Variants in CASTOR2 observed in about 807,000 individuals in gnomAD.
The protein encoded by CASTOR2 is GATS protein like 2.
A neutral mutation model predicts 31.2 loss-of-function variants in CASTOR2; 8 were observed. The observed-to-expected ratio is 0.26, with a 90% CI of 0.15 to 0.46. CASTOR2 has a LOEUF of 0.46. CASTOR2 is among the 20% of genes least tolerant of loss of function. CASTOR2 has a pLI of 0.99. For synonymous variants in CASTOR2, 162 were observed against 158.7 expected, an observed-to-expected ratio of 1.02 and a Z score of -0.16; for missense variants, 216 against 382.1, an observed-to-expected ratio of 0.57 and a Z score of 3.62.
At chr7:75,010,876 A>G (rs1390910900) in intron 2 of CASTOR2, among the ~76,000 whole-genome samples, 1 of 151,406 alleles carries the variant, frequency 6.6e-6, no homozygotes. Flanking sequence ...TCTTTGAGAC[A>G]GAGTCTCACT....
intron 6 of CASTOR2, 70 bp downstream of exon 6, chr7:75,020,219 CA>C: frequency 3.1e-6 from 4 of 1,291,050 alleles, no homozygotes; most frequent in Non-Finnish European, 3.3e-6. Flanking sequence ...TATGTGATGG[CA>C]CATCACCCAC....
intron 1 of CASTOR2, among the ~76,000 whole-genome samples, chr7:75,002,140 G>A (rs1357138279): frequency 6.6e-6 from 1 of 151,594 alleles, no homozygotes; most frequent in East Asian, 2.0e-4. Context: ...TGGCCAGACT[G>A]GTCTCAAACT....
rs1173606189 is a variant in CASTOR2, at chr7:74,964,717, C to T, written c.-269C>T. 8.8e-6 allele frequency: 1 copy of T among 113,394 alleles called. No individual in the cohort carries two copies. The highest frequency in any genetic ancestry group is 1.8e-5 in the Non-Finnish European group (1 of 54,806). The allele number at this position is 113,394 out of a possible 1,614,324, so 7.0% of individuals were successfully genotyped here. On this transcript the variant is annotated 5_prime_UTR_variant, in exon 1 of 9. Coordinates refer to ENST00000616305, the MANE Select transcript of CASTOR2 (RefSeq NM_001145064.3). ...TACAGCGAACACCAGCTGCTCCCCG[C>T]GCCGGGCGCCGCGCGCCGCTGCTCC...
rs1335114046 is a variant in CASTOR2 at position 74,995,511 on chromosome 7, G to GAAAAAAAAAAAAAAAA, written c.114-12469_114-12468insAAAAAAAAAAAAAAAA. ...TGAGACCCTGTCTTTACAAAAAAATGAAAAAAAAAAAAAAGGCCGGGTGCG... is the reference window on the plus strand; with the variant it reads ...TGAGACCCTGTCTTTACAAAAAAATGAAAAAAAAAAAAAAAAAAAAAAAAAAAAAAGGCCGGGTGCG... On this transcript the variant is annotated intron_variant, in intron 1 of 8. Coordinates refer to ENST00000616305, the MANE Select transcript of CASTOR2 (RefSeq NM_001145064.3). Among the ~76,000 whole-genome samples the GAAAAAAAAAAAAAAAA allele has an allele frequency of 2.3e-5, 2 of 88,448 alleles. 1 individual carries two copies. The allele number at this position is 88,448 out of a possible 152,430, so 58.0% of individuals were successfully genotyped here.
At chr7:75,004,245 A>G (rs1465936257) in intron 1 of CASTOR2, among the ~76,000 whole-genome samples, 1 of 152,250 alleles carries the variant, frequency 6.6e-6, no homozygotes, top group East Asian at 1.9e-4. Flanking sequence ...CTGTGGTGAT[A>G]ATTTGCTGTT....
rs1193375438 is a variant in CASTOR2, at chr7:74,993,551, A to G, written c.114-14443A>G. On this transcript the variant is annotated intron_variant, in intron 1 of 8. Transcript: ENST00000616305. ...CTGCAACATCCACCTCCTGGGTTCA[A>G]GTGATTCTCCTGCTTCAGCCTCTGG... Among the ~76,000 whole-genome samples, 6 of 148,752 alleles carry G rather than the reference A, an allele frequency of 4.0e-5. No individual in the cohort carries two copies. In the South Asian group the frequency reaches 8.5e-4, roughly 21 times the overall value.
Position 75,028,652 on chromosome 7 carries a change from C to G in CASTOR2, c.*3953C>G, listed in dbSNP as rs1251160417. Among the ~76,000 whole-genome samples, 5 of 152,312 alleles carry G rather than the reference C, an allele frequency of 3.3e-5. No individual in the cohort carries two copies. Among genetic ancestry groups the G allele is most frequent in the Non-Finnish European group, 5.9e-5 (4 of 68,022 alleles). ...AGTTCTGCCTCGTCGTGGGGCTCCC[C>G]TGGTTCCCAAGACACCCCTTCCTCC... On this transcript the variant is annotated 3_prime_UTR_variant, in exon 9 of 9. Transcript: ENST00000616305.
At chr7:75,006,528 C>T (rs1584471311) in intron 1 of CASTOR2, among the ~76,000 whole-genome samples, 1 of 152,180 alleles carries the variant, frequency 6.6e-6, no homozygotes, top group East Asian at 1.9e-4. Context: ...CAACACTGTC[C>T]ACTCAAAGAT....
At chr7:74,995,697 A>G (rs1804329488) in intron 1 of CASTOR2, among the ~76,000 whole-genome samples, 1 of 151,746 alleles carries the variant, frequency 6.6e-6, no homozygotes, top group Admixed American at 6.6e-5. Context: ...AGTCCCAGCT[A>G]CTTGGGAGGC....
At chr7:75,011,979 A>G (rs1426786966) in intron 2 of CASTOR2, among the ~76,000 whole-genome samples, 4 of 152,000 alleles carry the variant, frequency 2.6e-5, no homozygotes, top group Non-Finnish European at 4.4e-5. Context: ...AAGAAAGAAA[A>G]AAAAAAAACA....
chr7:74,978,123 G>A (rs1184864110), intron 1 of CASTOR2, among the ~76,000 whole-genome samples: 1 of 96,682 alleles, frequency 1.0e-5, no homozygotes, highest in Non-Finnish European at 2.2e-5. Context: ...TTTTTTTTTT[G>A]GAGACAGGGT....
intron 1 of CASTOR2, among the ~76,000 whole-genome samples, chr7:75,000,514 A>G (rs1467011121): frequency 9.9e-5 from 15 of 152,204 alleles, no homozygotes; most frequent in African/African-American, 3.6e-4. Context: ...AGGCCCGAGA[A>G]TGTTTTGTAA....
chr7:75,004,093 G>A (rs1804557000), intron 1 of CASTOR2, among the ~76,000 whole-genome samples: 1 of 152,154 alleles, frequency 6.6e-6, no homozygotes, highest in South Asian at 2.1e-4. Context: ...GCCTCCCCGG[G>A]GCTCTCGGGC....
rs899283954 is a variant in CASTOR2 at position 75,025,628 on chromosome 7, C to T, written c.*929C>T. On this transcript the variant is annotated 3_prime_UTR_variant, in exon 9 of 9. Coordinates refer to ENST00000616305, the MANE Select transcript of CASTOR2 (RefSeq NM_001145064.3). ...CCTCCTCCCTCCTCTGCCCCCAAGTCACCTGCCTGCCCACCCGCCCCTTGG... is the reference window on the plus strand; with the variant it reads ...CCTCCTCCCTCCTCTGCCCCCAAGTTACCTGCCTGCCCACCCGCCCCTTGG... Among the ~76,000 whole-genome samples, 7 of 152,400 alleles carry T rather than the reference C, an allele frequency of 4.6e-5. No individual in the cohort carries two copies. In the South Asian group the frequency reaches 1.2e-3, roughly 27 times the overall value.
At position 74,964,819 on chromosome 7, in the gene CASTOR2, C is replaced by A. The variant is rs1404570356; in HGVS notation, c.-167C>A. ...CGGCTCCCCCTTGCAACTTGGCGGG[C>A]CTCCTCCCTTTTGTCCGGCCCGGCC... On this transcript the variant is annotated 5_prime_UTR_variant, in exon 1 of 9. Coordinates refer to ENST00000616305, the MANE Select transcript of CASTOR2 (RefSeq NM_001145064.3). The A allele has an allele frequency of 7.0e-5, 4 of 57,390 alleles. No homozygotes were observed. The highest frequency in any genetic ancestry group is 1.0e-4 in the Non-Finnish European group (3 of 29,844). The allele number at this position is 57,390 out of a possible 1,614,324, so 3.6% of individuals were successfully genotyped here. A position where few individuals can be genotyped will look rare whatever the true frequency, so the allele number is the denominator to read the frequency against.
chr7:75,010,288 G>A (rs1236581286), intron 2 of CASTOR2, among the ~76,000 whole-genome samples: 1 of 152,134 alleles, frequency 6.6e-6, no homozygotes, highest in Non-Finnish European at 1.5e-5. Context: ...TACAGGAGCA[G>A]AAGCAAGGGC....
chr7:75,026,010 A>C lies in CASTOR2; in HGVS notation c.*1311A>C, dbSNP rs1404017671. On this transcript the variant is annotated 3_prime_UTR_variant, in exon 9 of 9. Coordinates refer to ENST00000616305, the MANE Select transcript of CASTOR2 (RefSeq NM_001145064.3). Reference sequence around the variant, plus strand: ...ACTCCCACCAACCAGCTGTAGTTCTATCTGAGCACCGGAGGGGGTGAGGGA... The same window carrying C: ...ACTCCCACCAACCAGCTGTAGTTCTCTCTGAGCACCGGAGGGGGTGAGGGA... Among the ~76,000 whole-genome samples the C allele has an allele frequency of 1.3e-5, 2 of 152,098 alleles. No individual in the cohort carries two copies. Among genetic ancestry groups the C allele is most frequent in the African/African-American group, 2.4e-5 (1 of 41,414 alleles).
chr7:75,004,489 G>C (rs1804565807), intron 1 of CASTOR2, among the ~76,000 whole-genome samples: 1 of 132,988 alleles, frequency 7.5e-6, no homozygotes, highest in Non-Finnish European at 1.5e-5. Flanking sequence ...GAGTGGCTCT[G>C]TTGCCTAGGC....
At position 75,023,323 on chromosome 7, in the gene CASTOR2, A is replaced by G. The variant is rs1037079911; in HGVS notation, c.830-1117A>G. Among the ~76,000 whole-genome samples the G allele has an allele frequency of 3.2e-3, 481 of 152,292 alleles. 3 individuals carry two copies. The highest frequency in any genetic ancestry group is 0.011 in the African/African-American group (462 of 41,558). ...AGTCCACCTCAAAAAAAGAAAAAAAAAAGAAGAAACACTTTCTCCTATATA... is the reference window on the plus strand; with the variant it reads ...AGTCCACCTCAAAAAAAGAAAAAAAGAAGAAGAAACACTTTCTCCTATATA... On this transcript the variant is annotated intron_variant, in intron 7 of 8. Coordinates refer to ENST00000616305, the MANE Select transcript of CASTOR2 (RefSeq NM_001145064.3).
Sources: allele counts gnomAD v4.1 joint callset (sites outside exome capture counted in the v4.1 genomes callset), GRCh38; gene constraint gnomAD v4.1.1; transcripts MANE v1.5; gene names NCBI Gene and HGNC (gene_info 2026-07-23, HGNC 2026-07-21).